ATG7: variants seen among roughly 807,000 people sequenced by gnomAD.
ATG7 encodes autophagy related 7.
Under a neutral mutation model 82.4 loss-of-function variants are expected in ATG7, and 70 were observed. The observed-to-expected ratio is 0.85, with a 90% CI of 0.70 to 1.04. The LOEUF (loss-of-function observed/expected upper bound fraction) is 1.04, where lower values mean the gene tolerates loss of function less well. Among genes scored for constraint, ATG7 ranks in the 50% least tolerant of loss-of-function variants. ATG7 has a pLI of 0.00. For missense variants in ATG7, 792 were observed against 864.3 expected, an observed-to-expected ratio of 0.92 and a Z score of 1.05; for synonymous variants, 287 against 313.0, an observed-to-expected ratio of 0.92 and a Z score of 0.88.
chr3:11,461,758 G>A (rs757791850), intron 20 of ATG7, among the ~76,000 whole-genome samples: 65 of 152,106 alleles, frequency 4.3e-4, no homozygotes, highest in Middle Eastern at 6.8e-3. Context: ...CGGGCGCAGT[G>A]GCTCACACCT....
intron 9 of ATG7, among the ~76,000 whole-genome samples, chr3:11,325,462 C>A (rs535587915): frequency 6.6e-6 from 1 of 152,050 alleles, no homozygotes. Flanking sequence ...ACCTGAGGTC[C>A]GGAGTTCGTG....
chr3:11,401,847 A>G (rs957038449), intron 19 of ATG7, among the ~76,000 whole-genome samples: 1 of 152,234 alleles, frequency 6.6e-6, no homozygotes, highest in Non-Finnish European at 1.5e-5. Context: ...AACTCTCAGC[A>G]GGATTAATAG....
intron 20 of ATG7, among the ~76,000 whole-genome samples, chr3:11,508,961 A>AAG (rs2091896879): frequency 6.6e-6 from 1 of 152,254 alleles, no homozygotes; most frequent in Non-Finnish European, 1.5e-5. Flanking sequence ...TTCTATGTGC[A>AAG]AGAGAGCATA....
In ATG7 at chr3:11,314,847, G is replaced by A. The variant is rs1045932729; in HGVS notation, c.529-497G>A. On this transcript the variant is annotated intron_variant, in intron 8 of 20. Coordinates refer to ENST00000693202, the MANE Select transcript of ATG7 (RefSeq NM_001349232.2). ...CCAGCTACTCAGGAGGCTGAGGTAG[G>A]AGGATTGATTGAGCCCAGGAGGTCG... 8.5e-5 allele frequency among the ~76,000 whole-genome samples: 13 copies of A among 152,290 alleles called. No homozygotes were observed. The East Asian group carries it at 2.1e-3, about 25-fold the overall frequency.
At chr3:11,422,739 G>GGTTTTTTT (rs2082038223) in intron 19 of ATG7, among the ~76,000 whole-genome samples, 1 of 65,264 alleles carries the variant, frequency 1.5e-5, no homozygotes, top group African/African-American at 8.2e-5. Flanking sequence ...ATCATTTCTA[G>GGTTTTTTT]CTTTTTTTTT....
intron 20 of ATG7, among the ~76,000 whole-genome samples, chr3:11,504,602 A>C (rs1054941457): frequency 7.9e-5 from 12 of 152,240 alleles, no homozygotes; most frequent in African/African-American, 2.9e-4. Flanking sequence ...AGATTGTGTT[A>C]AGATGAAATG....
At chr3:11,278,148 A>G (rs1942295292) in intron 1 of ATG7, among the ~76,000 whole-genome samples, 1 of 152,126 alleles carries the variant, frequency 6.6e-6, no homozygotes, top group Non-Finnish European at 1.5e-5. Context: ...TTAAACACAC[A>G]TGTTTTACAA....
chr3:11,273,736 A>AT lies in ATG7; in HGVS notation c.-366+1306_-366+1307insT, dbSNP rs1941036864. 5.3e-5 allele frequency among the ~76,000 whole-genome samples: 8 copies of AT among 152,292 alleles called. No individual in the cohort carries two copies. The South Asian group carries it at 1.7e-3, about 32-fold the overall frequency. ...TGATCTATCAGTAAAATAAGAAGAA[A>AT]AAGAACCCTGTTTCATGGCACCTTC... On this transcript the variant is annotated intron_variant, in intron 1 of 20. Transcript: ENST00000693202.
intron 3 of ATG7, among the ~76,000 whole-genome samples, chr3:11,294,245 TA>T (rs1482298688): frequency 7.2e-5 from 11 of 151,996 alleles, no homozygotes; most frequent in African/African-American, 1.7e-4. Flanking sequence ...TATTTTATTT[TA>T]TTTTTTTTTG....
chr3:11,339,267 G>C (rs967659424), intron 11 of ATG7, among the ~76,000 whole-genome samples: 2 of 143,108 alleles, frequency 1.4e-5, no homozygotes, highest in Non-Finnish European at 1.5e-5. Context: ...CTGCACTCCA[G>C]CCTGGGCGAC....
intron 19 of ATG7, among the ~76,000 whole-genome samples, chr3:11,408,696 C>T (rs1226128061): frequency 6.6e-6 from 1 of 152,168 alleles, no homozygotes; most frequent in African/African-American, 2.4e-5. Context: ...CAGGGGAACG[C>T]CTCGTTAAAA....
intron 20 of ATG7, among the ~76,000 whole-genome samples, chr3:11,446,015 G>A (rs1248584249): frequency 6.6e-6 from 1 of 152,068 alleles, no homozygotes. Flanking sequence ...AGAAAGCACA[G>A]TAGGATGACC....
downstream of ATG7, chr3:11,558,749 G>C: frequency 6.2e-7 from 1 of 1,614,176 alleles, no homozygotes; most frequent in Non-Finnish European, 8.5e-7. Flanking sequence ...GGAGTTGGGT[G>C]CCGGCTCGGG....
chr3:11,438,289 A>G (rs758085262), intron 20 of ATG7, among the ~76,000 whole-genome samples: 23 of 152,240 alleles, frequency 1.5e-4, no homozygotes, highest in South Asian at 1.5e-3. Flanking sequence ...AGGGTCCCCA[A>G]TGGTGGAGGC....
At chr3:11,368,694 C>T (rs552523909) in intron 18 of ATG7, among the ~76,000 whole-genome samples, 2 of 139,128 alleles carry the variant, frequency 1.4e-5, no homozygotes, top group East Asian at 2.0e-4. Context: ...GCCAGTATCA[C>T]ACTACTGCAT....
intron 20 of ATG7, among the ~76,000 whole-genome samples, chr3:11,521,211 A>G (rs1421589288): frequency 1.3e-5 from 2 of 152,190 alleles, no homozygotes; most frequent in Admixed American, 6.5e-5. Flanking sequence ...ATAGGCAGCC[A>G]TGAGTTGAGA....
At chr3:11,527,811 T>C (rs2092615896) in intron 20 of ATG7, among the ~76,000 whole-genome samples, 1 of 152,228 alleles carries the variant, frequency 6.6e-6, no homozygotes, top group South Asian at 2.1e-4. Flanking sequence ...ATAAGGCCTT[T>C]CAGATGTCTT....
intron 20 of ATG7, among the ~76,000 whole-genome samples, chr3:11,542,041 C>T (rs2070873458): frequency 1.3e-5 from 2 of 152,266 alleles, no homozygotes; most frequent in African/African-American, 2.4e-5. Flanking sequence ...GGCCCGTGCC[C>T]TCCTCCCACA....
At chr3:11,485,125 T>A (rs1363100858) in intron 20 of ATG7, among the ~76,000 whole-genome samples, 1 of 152,222 alleles carries the variant, frequency 6.6e-6, no homozygotes, top group Admixed American at 6.5e-5. Flanking sequence ...CCACACTGAC[T>A]TCCACAAGGG....
Sources: gnomAD v4.1 joint callset for allele counts (sites outside exome capture counted in the v4.1 genomes callset) on GRCh38, gnomAD v4.1.1 for gene constraint, MANE v1.5 for transcripts, NCBI Gene and HGNC (gene_info 2026-07-23, HGNC 2026-07-21) for gene names.